CNR2: variants seen among roughly 807,000 people sequenced by gnomAD.
The protein encoded by CNR2 is cannabinoid receptor 2.
For synonymous variants in CNR2, 172 were observed against 182.2 expected (o/e 0.94, Z 0.45); for missense variants, 379 against 439.9 (o/e 0.86, Z 1.24).
rs938272384 is a variant in CNR2, at chr1:23,891,346, C to T, written c.-45-15684G>A. Among the ~76,000 whole-genome samples, 5 of 150,972 alleles carry T rather than the reference C, an allele frequency of 3.3e-5. No homozygotes were observed. The South Asian group carries it at 6.3e-4, about 19-fold the overall frequency. Reference sequence around the variant, plus strand: ...CTGAAAATCCAAATCAGGCCAGGCACGGTGGCTCACACCTATAATCCCAGC... The same window carrying T: ...CTGAAAATCCAAATCAGGCCAGGCATGGTGGCTCACACCTATAATCCCAGC... On this transcript the variant is annotated intron_variant, in intron 1 of 1. Coordinates refer to ENST00000374472, the MANE Select transcript of CNR2 (RefSeq NM_001841.3).
chr1:23,876,637 C>T (rs1453211968), intron 1 of CNR2, among the ~76,000 whole-genome samples: 1 of 151,972 alleles, frequency 6.6e-6, no homozygotes, highest in African/African-American at 2.4e-5. Context: ...AGATCGAGAA[C>T]ATCCTGGTTA....
intron 1 of CNR2, among the ~76,000 whole-genome samples, chr1:23,888,357 A>G (rs1640126732): frequency 6.6e-6 from 1 of 152,178 alleles, no homozygotes; most frequent in Non-Finnish European, 1.5e-5. Context: ...TCTCATTTGT[A>G]AAATGACAGT....
At chr1:23,889,773 C>T (rs1640154096) in intron 1 of CNR2, among the ~76,000 whole-genome samples, 2 of 152,178 alleles carry the variant, frequency 1.3e-5, no homozygotes, top group Non-Finnish European at 2.9e-5. Context: ...CTGCAACTTT[C>T]AGGATGTGTG....
chr1:23,875,996 A>C (rs1321549801), intron 1 of CNR2, among the ~76,000 whole-genome samples: 1 of 152,098 alleles, frequency 6.6e-6, no homozygotes, highest in Admixed American at 6.6e-5. Flanking sequence ...AATCAAAACC[A>C]AGAAGAAATG....
chr1:23,882,283 C>G (rs1382108687), intron 1 of CNR2, among the ~76,000 whole-genome samples: 3 of 152,084 alleles, frequency 2.0e-5, no homozygotes, highest in Non-Finnish European at 2.9e-5. Flanking sequence ...AGCGTGATGA[C>G]TGGTTTTCAC....
chr1:23,875,848 G>C (rs1270728824), intron 1 of CNR2, among the ~76,000 whole-genome samples, 186 bp from the exon 2 acceptor site: 2 of 151,988 alleles, frequency 1.3e-5, no homozygotes, highest in African/African-American at 4.8e-5. Context: ...ATCTGTCCTG[G>C]CTGCCTCAGG....
At chr1:23,886,844 G>A (rs1361056903) in intron 1 of CNR2, among the ~76,000 whole-genome samples, 1 of 152,240 alleles carries the variant, frequency 6.6e-6, no homozygotes, top group African/African-American at 2.4e-5. Flanking sequence ...AATAGGCATA[G>A]AGATGGCCCT....
rs760083242 is a variant in CNR2, at chr1:23,874,714, G to A, written c.904C>T (p.Arg302Trp). The change falls in exon 2 of 2, where the codon CGG (arginine) becomes TGG (tryptophan). Residue 302 changes from arginine to tryptophan, a missense_variant. Transcript: ENST00000374472. ...SMVNPVIYAL[R>W]SGEIRSSAHH... ...GCAGAGGAGCGGATCTCTCCACTCC[G>A]TAGAGCATAGATGACAGGGTTGACC... 18 of 1,614,020 alleles carry A rather than the reference G, an allele frequency of 1.1e-5. No individual in the cohort carries two copies. Among genetic ancestry groups the A allele is most frequent in the African/African-American group, 4.0e-5 (3 of 74,914 alleles).
intron 1 of CNR2, among the ~76,000 whole-genome samples, chr1:23,884,606 G>A (rs1467670903): frequency 6.7e-6 from 1 of 150,360 alleles, no homozygotes; most frequent in East Asian, 2.0e-4. Flanking sequence ...ATGCCCAGCT[G>A]ACCATCTAGT....
At chr1:23,886,917 T>C (rs571781694) in intron 1 of CNR2, among the ~76,000 whole-genome samples, 8 of 152,198 alleles carry the variant, frequency 5.3e-5, no homozygotes, top group African/African-American at 1.9e-4. Context: ...TTTTTATTTT[T>C]GTTTTTGAGG....
Position 23,874,822 on chromosome 1 carries a change from C to T in CNR2, c.796G>A (p.Ala266Thr). Residue 266 changes from alanine to threonine, a missense_variant, in exon 2 of 2, where the codon GCC (alanine) becomes ACC (threonine). Transcript: ENST00000374472. ...CTGAGCGTAGTGGCCAGGCTGTGGG[C>T]CATGAGGGCCAGCACTGGGAACCAA... The part of the protein sequence containing the change: ...ICWFPVLALM[A>T]HSLATTLSDQ... 6.2e-7 allele frequency: 1 copy of T among 1,614,152 alleles called. No homozygotes were observed. Among genetic ancestry groups the T allele is most frequent in the Non-Finnish European group, 8.5e-7 (1 of 1,180,020 alleles).
intron 1 of CNR2, among the ~76,000 whole-genome samples, chr1:23,876,193 A>ATTTT (rs1639871071): frequency 1.8e-5 from 2 of 111,628 alleles, no homozygotes; most frequent in South Asian, 3.5e-4. Flanking sequence ...TTTTATTTTA[A>ATTTT]TTTTTATTTA....
chr1:23,913,160 C>A, intron 1 of CNR2, 86 bp downstream of exon 1: 1 of 173,578 alleles, frequency 5.8e-6, no homozygotes, highest in Non-Finnish European at 1.2e-5. Flanking sequence ...AACTCCGTCT[C>A]AAAAACAAAC....
chr1:23,871,336 A>C lies in CNR2; in HGVS notation c.*3199T>G, dbSNP rs1639762643. ...GGGCATTTTCTTTGCCAAAATGAGAAAGGATTCCACCGATGAATAAAGAAA... is the reference window on the plus strand; with the variant it reads ...GGGCATTTTCTTTGCCAAAATGAGACAGGATTCCACCGATGAATAAAGAAA... On this transcript the variant is annotated 3_prime_UTR_variant, in exon 2 of 2. Transcript: ENST00000374472. 6.6e-6 allele frequency: 1 copy of C among 152,186 alleles called. No homozygotes were observed. The highest frequency in any genetic ancestry group is 2.4e-5 in the African/African-American group (1 of 41,454). The allele number at this position is 152,186 out of a possible 1,614,324, so 9.4% of individuals were successfully genotyped here.
rs775178577 is a variant in CNR2, at chr1:23,875,586, T to C, written c.32A>G (p.Asn11Ser). The change falls in exon 2 of 2, where the codon AAT becomes AGT. Residue 11 changes from asparagine (N) to serine (S), a missense_variant. Transcript: ENST00000374472. Reference sequence around the variant, plus strand: ...GGAATCCAAGCCATCCTTGGAGCCATTGGCTATCTCTGTCACCCAGCATTC... The same window carrying C: ...GGAATCCAAGCCATCCTTGGAGCCACTGGCTATCTCTGTCACCCAGCATTC... The part of the protein sequence containing the change: MEECWVTEIA[N>S]GSKDGLDSNP... The C allele has an allele frequency of 2.5e-6, 4 of 1,610,226 alleles. No homozygotes were observed. In the South Asian group the frequency reaches 3.3e-5, roughly 13 times the overall value.
At chr1:23,888,987 T>G (rs6699263) in intron 1 of CNR2, among the ~76,000 whole-genome samples, 128,216 of 151,600 alleles carry the variant, frequency 0.85, 54,309 homozygotes, top group Admixed American at 0.86. Context: ...AATAAATAAA[T>G]AAAGAAGAAG....
chr1:23,881,664 G>A (rs962812846), intron 1 of CNR2, among the ~76,000 whole-genome samples: 22 of 151,242 alleles, frequency 1.5e-4, no homozygotes, highest in Admixed American at 4.6e-4. Flanking sequence ...CGAGGCGGGC[G>A]GATCACCTGA....
chr1:23,910,654 C>CAAAAA (rs34083515), intron 1 of CNR2, among the ~76,000 whole-genome samples: 76 of 31,408 alleles, frequency 2.4e-3, no homozygotes, highest in Admixed American at 7.0e-3. Context: ...AACGCTGTCT[C>CAAAAA]AAAAAAAAAA....
rs997528627 is a variant in CNR2, at chr1:23,873,705, G to A, written c.*830C>T. 1 of 152,200 alleles carries A rather than the reference G, an allele frequency of 6.6e-6. No individual in the cohort carries two copies. Among genetic ancestry groups the A allele is most frequent in the African/African-American group, 2.4e-5 (1 of 41,452 alleles). The allele number at this position is 152,200 out of a possible 1,614,324, so 9.4% of individuals were successfully genotyped here. A position where few individuals can be genotyped will look rare whatever the true frequency, so the allele number is the denominator to read the frequency against. On this transcript the variant is annotated 3_prime_UTR_variant, in exon 2 of 2. Coordinates refer to ENST00000374472, the MANE Select transcript of CNR2 (RefSeq NM_001841.3). ...AAGGGAGCTGAATTGGGGGCAGATA[G>A]GGGAACAGTTTGGAGATTTATACAA...
Sources: gnomAD v4.1 joint callset for allele counts (sites outside exome capture counted in the v4.1 genomes callset) on GRCh38, gnomAD v4.1.1 for gene constraint, MANE v1.5 for transcripts, NCBI Gene and HGNC (gene_info 2026-07-23, HGNC 2026-07-21) for gene names.